ALB: variants seen among roughly 807,000 people sequenced by gnomAD.
ALB encodes albumin, also known as serum albumin.
A neutral mutation model predicts 74.5 loss-of-function variants in ALB; 37 were observed. The ratio of observed to expected loss-of-function variants is 0.50; its 90% confidence interval spans 0.38 to 0.65. The LOEUF (loss-of-function observed/expected upper bound fraction) is 0.65, where lower values mean the gene tolerates loss of function less well. Among genes scored for constraint, ALB ranks in the 30% least tolerant of loss-of-function variants. The pLI is 0.00. For synonymous variants in ALB, 249 were observed against 251.6 expected (o/e 0.99, Z 0.10); for missense variants, 685 against 718.7 (o/e 0.95, Z 0.54).
At chr4:73,408,107 A>G (rs573737988) in intron 3 of ALB, among the ~76,000 whole-genome samples, 1 of 152,330 alleles carries the variant, frequency 6.6e-6, no homozygotes, top group South Asian at 2.1e-4. Context: ...AAAAATGTCT[A>G]TATCTTAATA....
Position 73,421,147 on chromosome 4 carries a change from T to C in ALB, c.*79T>C. 1.4e-6 allele frequency: 1 copy of C among 694,468 alleles called. No homozygotes were observed. The highest frequency in any genetic ancestry group is 2.7e-5 in the East Asian group (1 of 37,148). 43.0% of individuals were successfully genotyped at this position (694,468 alleles called of 1,614,324 possible). On this transcript the variant is annotated 3_prime_UTR_variant, in exon 15 of 15. Transcript: ENST00000295897. The stretch of plus-strand genomic sequence containing the variant: ...AGATCAAAAGCTTATTCATCTGTTT[T>C]TCTTTTTCGTTGGTGTAAAGCCAAC...
rs75523493 is a variant in ALB at position 73,418,232 on chromosome 4, G to A, written c.1573G>A (p.Glu525Lys). Residue 525 changes from glutamate (E) to lysine (K), a missense_variant, in exon 12 of 15, where the codon GAG (glutamate) becomes AAG (lysine). Coordinates refer to ENST00000295897, the MANE Select transcript of ALB (RefSeq NM_000477.7). ...LEVDETYVPK[E>K]FNAETFTFHA... Reference sequence around the variant, plus strand: ...AGTCGATGAAACATACGTTCCCAAAGAGTTTAATGCTGAAACATTCACCTT... The same window carrying A: ...AGTCGATGAAACATACGTTCCCAAAAAGTTTAATGCTGAAACATTCACCTT... 6.6e-5 allele frequency: 106 copies of A among 1,613,994 alleles called. 2 individuals carry two copies. In the South Asian group the frequency reaches 1.2e-3, roughly 18 times the overall value.
chr4:73,416,453 A>T, intron 10 of ALB, 100 bp downstream of exon 10: 1 of 850,052 alleles, frequency 1.2e-6, no homozygotes, highest in Non-Finnish European at 1.9e-6. Flanking sequence ...ATGAAAATAC[A>T]TTGCATATTT....
rs752405442 is a variant in ALB, at chr4:73,412,016, A to G, written c.734A>G (p.Gln245Arg). 6.2e-7 allele frequency: 1 copy of G among 1,614,024 alleles called. No individual in the cohort carries two copies. Among genetic ancestry groups the G allele is most frequent in the Non-Finnish European group, 8.5e-7 (1 of 1,179,992 alleles). ...FKAWAVARLSQRFPKAEFAEV... is the reference protein window; with the variant it reads ...FKAWAVARLSRRFPKAEFAEV... ...TTTAGGGCAGTAGCTCGCCTGAGCC[A>G]GAGATTTCCCAAAGCTGAGTTTGCA... The change falls in exon 7 of 15, where the codon CAG becomes CGG. Residue 245 changes from glutamine to arginine, a missense_variant. Transcript: ENST00000295897.
At chr4:73,409,085 G>C in intron 4 of ALB, 1 of 575,292 alleles carries the variant, frequency 1.7e-6, no homozygotes, top group Middle Eastern at 2.8e-4. Flanking sequence ...ATGTATATAT[G>C]GTTGTTATAA....
At chr4:73,419,198 A>C (rs889197584) in intron 12 of ALB, 1 of 264,532 alleles carries the variant, frequency 3.8e-6, no homozygotes, top group African/African-American at 2.2e-5. Context: ...AATTGCAATG[A>C]CATACTTCTT....
intron 10 of ALB, among the ~76,000 whole-genome samples, chr4:73,416,574 A>G (rs1719019846): frequency 6.6e-6 from 1 of 152,142 alleles, no homozygotes; most frequent in Admixed American, 6.5e-5. Flanking sequence ...GATTGGAAGT[A>G]TGTAGGCTGG....
chr4:73,413,257 A>G (rs926833386), intron 7 of ALB, 163 bp from the exon 8 acceptor site: 7 of 695,936 alleles, frequency 1.0e-5, no homozygotes, highest in South Asian at 8.3e-5. Flanking sequence ...TTGTAGTCCT[A>G]TCTACATCTC....
Position 73,405,156 on chromosome 4 carries a change from A to G in ALB, c.120A>G (p.Glu40=). 6.2e-7 allele frequency: 1 copy of G among 1,613,454 alleles called. No homozygotes were observed. ...EVAHRFKDLG[E]ENFKALVLIA... is the part of the protein sequence containing the mutation. ...CTCATCGGTTTAAAGATTTGGGAGA[A>G]GAAAATTTCAAAGCCTTGTAAGTTA... Residue 40 remains glutamate, a synonymous_variant, in exon 2 of 15, where the codon GAA becomes GAG. Transcript: ENST00000295897.
chr4:73,409,076 T>C, intron 4 of ALB: 1 of 580,248 alleles, frequency 1.7e-6, no homozygotes, highest in Non-Finnish European at 3.0e-6. Flanking sequence ...TACGAAGATA[T>C]GTATATATGG....
chr4:73,417,532 C>G lies in ALB; in HGVS notation c.1291C>G (p.Leu431Val), dbSNP rs1302982869. Reference protein sequence around the residue: ...QLGEYKFQNALLVRYTKKVPQ... With the variant: ...QLGEYKFQNAVLVRYTKKVPQ... ...AAACACATGACTTCTTTTTTTCAGG[C>G]TATTAGTTCGTTACACCAAGAAAGT... Residue 431 changes from leucine (L) to valine (V), a missense_variant and splice_region_variant, in exon 11 of 15, where the codon CTA becomes GTA. Transcript: ENST00000295897. The G allele has an allele frequency of 6.2e-7, 1 of 1,613,794 alleles. No homozygotes were observed. The highest frequency in any genetic ancestry group is 1.7e-5 in the Admixed American group (1 of 59,998).
At chr4:73,420,364 T>C (rs1719114122) in intron 14 of ALB, 43 bp downstream of exon 14, 14 of 1,317,204 alleles carry the variant, frequency 1.1e-5, no homozygotes, top group Non-Finnish European at 1.4e-5. Flanking sequence ...CTATAATAGT[T>C]ATTATTAAAA....
At chr4:73,411,954 A>G (rs1469384725) in intron 6 of ALB, 42 bp from the exon 7 acceptor site, 1 of 1,612,904 alleles carries the variant, frequency 6.2e-7, no homozygotes. Context: ...CATATAAAAT[A>G]TCGCATGATA....
chr4:73,414,993 T>A (rs1224394698), intron 8 of ALB, 42 bp from the exon 9 acceptor site: 1 of 1,608,564 alleles, frequency 6.2e-7, no homozygotes, highest in South Asian at 1.1e-5. Flanking sequence ...TTTTTTGTGC[T>A]CATTTGTCCA....
rs1180758917 is a variant in ALB at position 73,419,239 on chromosome 4, A to G, written c.1653-268A>G. 33 of 346,760 alleles carry G rather than the reference A, an allele frequency of 9.5e-5. No individual in the cohort carries two copies. The East Asian group carries it at 1.7e-3, about 17-fold the overall frequency. The allele number at this position is 346,760 out of a possible 1,614,324, so 21.5% of individuals were successfully genotyped here. On this transcript the variant is annotated intron_variant, in intron 12 of 14. Transcript: ENST00000295897. ...AGATTTACTGAAAAGAAATTTGTTG[A>G]CACTACATAACGTGATGAGTGGTTT...
At chr4:73,411,698 G>A (rs1489718770) in intron 6 of ALB, among the ~76,000 whole-genome samples, 1 of 152,176 alleles carries the variant, frequency 6.6e-6, no homozygotes, top group African/African-American at 2.4e-5. Context: ...GCCAGAGCTG[G>A]AAGTCACATC....
chr4:73,417,383 C>A, intron 10 of ALB, 148 bp from the exon 11 acceptor site: 1 of 1,008,648 alleles, frequency 9.9e-7, no homozygotes, highest in South Asian at 1.4e-5. Flanking sequence ...TTTCTACCCT[C>A]CACTAACCCA....
chr4:73,404,801 A>G (rs1397833691), intron 1 of ALB: 3 of 353,150 alleles, frequency 8.5e-6, no homozygotes, highest in African/African-American at 6.4e-5. Flanking sequence ...ATTTATATTT[A>G]TTTTCATTTT....
At chr4:73,419,356 CG>C in intron 12 of ALB, 150 bp from the exon 13 acceptor site, 1 of 750,022 alleles carries the variant, frequency 1.3e-6, no homozygotes, top group South Asian at 1.9e-5. Context: ...AGACTTATAG[CG>C]GTATGCCTGA....
Sources: gnomAD v4.1 joint callset for allele counts (sites outside exome capture counted in the v4.1 genomes callset) on GRCh38, gnomAD v4.1.1 for gene constraint, MANE v1.5 for transcripts, NCBI Gene and HGNC (gene_info 2026-07-23, HGNC 2026-07-21) for gene names.